The following SPAM1 variants were observed in gnomAD, a reference collection of about 807,000 sequenced individuals.
The protein encoded by SPAM1 is sperm adhesion molecule 1, also known as hyaluronidase PH-20.
In SPAM1, 22 loss-of-function variants were observed where a neutral mutation model predicts 29.6. That is an observed-to-expected ratio of 0.74 (90% CI 0.53 to 1.06). The LOEUF (loss-of-function observed/expected upper bound fraction) is 1.06. Among genes scored for constraint, SPAM1 ranks in the 50% least tolerant of loss-of-function variants. The pLI, the probability that SPAM1 is intolerant of heterozygous loss-of-function variation, is 0.00. For synonymous variants in SPAM1, 194 were observed against 204.6 expected (o/e 0.95, Z 0.44); for missense variants, 534 against 604.0 (o/e 0.88, Z 1.21).
chr7:123,937,827 T>C (rs1808304333), intron 1 of SPAM1, among the ~76,000 whole-genome samples: 1 of 152,108 alleles, frequency 6.6e-6, no homozygotes, highest in African/African-American at 2.4e-5. Context: ...TAGACATGTG[T>C]TTCATCAGCT....
chr7:123,959,689 T>C lies in SPAM1; in HGVS notation c.1250T>C (p.Val417Ala). The change falls in exon 5 of 5, where the codon GTA becomes GCA. Residue 417 changes from valine (V) to alanine (A), a missense_variant. Physicochemically the swap from Val to Ala is moderately conservative, Grantham distance 64. Transcript: ENST00000682466. The part of the protein sequence containing the change: ...IQLEKGGKFT[V>A]RGKPTLEDLE... ...CTTGAGAAAGGTGGAAAGTTCACAG[T>C]ACGTGGAAAACCGACACTTGAAGAC... 6.2e-7 allele frequency: 1 copy of C among 1,613,324 alleles called. No homozygotes were observed. Among genetic ancestry groups the C allele is most frequent in the African/African-American group, 1.3e-5 (1 of 74,986 alleles).
chr7:123,953,797 T>G lies in SPAM1; in HGVS notation c.227T>G (p.Ile76Arg). The G allele has an allele frequency of 1.2e-6, 2 of 1,612,538 alleles. No individual in the cohort carries two copies. Among genetic ancestry groups the G allele is most frequent in the Non-Finnish European group, 1.7e-6 (2 of 1,179,412 alleles). The change falls in exon 3 of 5, where the codon ATA becomes AGA. Residue 76 changes from isoleucine (I) to arginine (R), a missense_variant. Coordinates refer to ENST00000682466, the MANE Select transcript of SPAM1 (RefSeq NM_153189.3). ...EPLDMSLFSF[I>R]GSPRINATGQ... ...CTAGATATGAGCCTCTTCTCTTTCA[T>G]AGGAAGCCCCCGAATAAACGCCACC... is the stretch of plus-strand genomic sequence containing the variant.
chr7:123,958,596 G>A (rs1212016469), intron 4 of SPAM1, among the ~76,000 whole-genome samples: 3 of 152,000 alleles, frequency 2.0e-5, no homozygotes, highest in Non-Finnish European at 4.4e-5. Flanking sequence ...GGAAGGATGG[G>A]GTGGGAGGAT....
At chr7:123,953,185 T>A (rs1563028752) in intron 2 of SPAM1, among the ~76,000 whole-genome samples, 180 bp from the exon 3 acceptor site, 1 of 152,034 alleles carries the variant, frequency 6.6e-6, no homozygotes, top group Non-Finnish European at 1.5e-5. Context: ...AAATGTTAAC[T>A]AGTATAGAGT....
At chr7:123,944,190 T>C (rs950158769) in intron 1 of SPAM1, among the ~76,000 whole-genome samples, 2 of 152,152 alleles carry the variant, frequency 1.3e-5, no homozygotes, top group African/African-American at 2.4e-5. Context: ...TGAATAGTTT[T>C]AGTTTCTGGC....
intron 1 of SPAM1, among the ~76,000 whole-genome samples, chr7:123,943,744 A>C (rs1232328114): frequency 1.3e-5 from 2 of 152,272 alleles, no homozygotes; most frequent in East Asian, 3.9e-4. Context: ...TTGATATCAC[A>C]AAATAGGATT....
downstream of SPAM1, among the ~76,000 whole-genome samples, chr7:123,963,295 T>C (rs1485379303): frequency 4.0e-5 from 6 of 151,892 alleles, no homozygotes; most frequent in East Asian, 1.9e-4. Context: ...TTTAACTTGG[T>C]TTCTAATCAG....
chr7:123,949,531 T>A (rs1010368552), intron 1 of SPAM1, among the ~76,000 whole-genome samples: 2 of 152,198 alleles, frequency 1.3e-5, no homozygotes, highest in Non-Finnish European at 1.5e-5. Context: ...TCTTTCAGGA[T>A]GAAATACCGT....
chr7:123,961,447 A>G (rs964509155), downstream of SPAM1, among the ~76,000 whole-genome samples: 16 of 151,920 alleles, frequency 1.1e-4, no homozygotes, highest in Non-Finnish European at 1.5e-5. Context: ...CTTATTTCCC[A>G]TAAGATAATG....
Position 123,960,000 on chromosome 7 carries a change from T to G in SPAM1, c.*31T>G, listed in dbSNP as rs1356993986. 1.2e-5 allele frequency: 19 copies of G among 1,568,364 alleles called. No individual in the cohort carries two copies. Among genetic ancestry groups the G allele is most frequent in the Admixed American group, 1.8e-5 (1 of 55,402 alleles). The stretch of plus-strand genomic sequence containing the variant: ...CAGGTTAGCTGAAATGAACAATATG[T>G]CCATCTTAAAGTGTGCTTTTTCGAC... On this transcript the variant is annotated 3_prime_UTR_variant, in exon 5 of 5. Coordinates refer to ENST00000682466, the MANE Select transcript of SPAM1 (RefSeq NM_153189.3).
In SPAM1 at chr7:123,937,638, T is replaced by C. The variant is rs569315337; in HGVS notation, c.-318-12234T>C. Among the ~76,000 whole-genome samples, 7 of 152,090 alleles carry C rather than the reference T, an allele frequency of 4.6e-5. No individual in the cohort carries two copies. The South Asian group carries it at 1.5e-3, about 32-fold the overall frequency. On this transcript the variant is annotated intron_variant, in intron 1 of 4. Transcript: ENST00000682466. Reference sequence around the variant, plus strand: ...AAAAAGACGCTTCATAGGTATCATTTTACTCATTATCCCAGCATTCGTGGA... The same window carrying C: ...AAAAAGACGCTTCATAGGTATCATTCTACTCATTATCCCAGCATTCGTGGA...
chr7:123,967,410 T>C (rs946387645), intron 5 of SPAM1, among the ~76,000 whole-genome samples: 6 of 152,084 alleles, frequency 3.9e-5, no homozygotes, highest in African/African-American at 1.2e-4. Flanking sequence ...TGATTTAAAC[T>C]TTTTTTCTAC....
At chr7:123,936,914 T>C (rs1232131517) in intron 1 of SPAM1, among the ~76,000 whole-genome samples, 1 of 152,178 alleles carries the variant, frequency 6.6e-6, no homozygotes, top group Non-Finnish European at 1.5e-5. Context: ...TGCTCTGAGT[T>C]TCTACAATTT....
intron 2 of SPAM1, among the ~76,000 whole-genome samples, chr7:123,952,689 C>T (rs1403121030): frequency 6.6e-6 from 1 of 151,856 alleles, no homozygotes; most frequent in Non-Finnish European, 1.5e-5. Context: ...TTAAGTTAGG[C>T]TAGAACTGAT....
chr7:123,928,237 A>G (rs1807959231), intron 1 of SPAM1, among the ~76,000 whole-genome samples: 1 of 152,064 alleles, frequency 6.6e-6, no homozygotes, highest in African/African-American at 2.4e-5. Flanking sequence ...ACGCCCATTG[A>G]CTGTGCACTC....
intron 1 of SPAM1, among the ~76,000 whole-genome samples, chr7:123,931,640 C>G (rs1328097275): frequency 6.6e-6 from 1 of 152,150 alleles, no homozygotes; most frequent in Admixed American, 6.5e-5. Context: ...TCTGAAGGCT[C>G]CTGTATATAC....
chr7:123,941,050 C>G (rs1319937280), intron 1 of SPAM1, among the ~76,000 whole-genome samples: 1 of 152,140 alleles, frequency 6.6e-6, no homozygotes, highest in African/African-American at 2.4e-5. Flanking sequence ...AGTTATATCT[C>G]TATGTTTCAA....
intron 2 of SPAM1, 100 bp downstream of exon 2, chr7:123,950,083 GC>G (rs1301722046): frequency 6.6e-6 from 1 of 151,958 alleles, no homozygotes; most frequent in Non-Finnish European, 1.5e-5. Context: ...ACTTAAAAAT[GC>G]AACTTTAATA....
At chr7:123,962,030 G>A (rs1311011626), downstream of SPAM1, among the ~76,000 whole-genome samples, 2 of 152,002 alleles carry the variant, frequency 1.3e-5, no homozygotes, top group Non-Finnish European at 2.9e-5. Context: ...TACAAATCAA[G>A]ATGAGATTTG....
Sources: allele counts gnomAD v4.1 joint callset (sites outside exome capture counted in the v4.1 genomes callset), GRCh38; gene constraint gnomAD v4.1.1; transcripts MANE v1.5; gene names NCBI Gene and HGNC (gene_info 2026-07-23, HGNC 2026-07-21).